The following TAS2R1 variants were observed in gnomAD, a reference collection of about 807,000 sequenced individuals.
TAS2R1 encodes the protein taste receptor type 2 member 1.
For synonymous variants in TAS2R1, 141 were observed against 134.2 expected (o/e 1.05, Z -0.35); for missense variants, 370 against 353.4 (o/e 1.05, Z -0.38).
Position 9,628,813 on chromosome 5 carries a change from C to T in TAS2R1, c.*320G>A, listed in dbSNP as rs1189504281. Among the ~76,000 whole-genome samples the T allele has an allele frequency of 6.6e-6, 1 of 152,134 alleles. No individual in the cohort carries two copies. Among genetic ancestry groups the T allele is most frequent in the African/African-American group, 2.4e-5 (1 of 41,420 alleles). On this transcript the variant is annotated 3_prime_UTR_variant, in exon 1 of 1. Transcript: ENST00000382492. Reference sequence around the variant, plus strand: ...TTTGAAATAATTGTAGATTTGAATGCATTTGTAAGAAGGAATACAGAAAGA... The same window carrying T: ...TTTGAAATAATTGTAGATTTGAATGTATTTGTAAGAAGGAATACAGAAAGA...
the TAS2R1 span, among the ~76,000 whole-genome samples, chr5:9,779,445 G>A: frequency 6.6e-6 from 1 of 152,156 alleles, no homozygotes; most frequent in Non-Finnish European, 1.5e-5. Flanking sequence ...ACCATTTCTA[G>A]CTTTTGCTTT....
chr5:9,715,609 C>T (rs1209508505), upstream of TAS2R1, among the ~76,000 whole-genome samples: 1 of 152,212 alleles, frequency 6.6e-6, no homozygotes, highest in African/African-American at 2.4e-5. Context: ...GCCTCATGTA[C>T]AGGAGACTTG....
chr5:9,746,091 G>A, the TAS2R1 span, among the ~76,000 whole-genome samples: 150 of 152,014 alleles, frequency 9.9e-4, no homozygotes, highest in African/African-American at 3.5e-3. Flanking sequence ...CAACCCCATC[G>A]AAAAGTAGGC....
intron 2 of TAS2R1, among the ~76,000 whole-genome samples, chr5:9,653,995 G>A (rs781624716): frequency 1.1e-4 from 16 of 152,182 alleles, no homozygotes; most frequent in Non-Finnish European, 1.8e-4. Context: ...TATGAAGTCA[G>A]GCCGAGGGCT....
chr5:9,839,211 T>C, the TAS2R1 span, among the ~76,000 whole-genome samples: 1 of 152,072 alleles, frequency 6.6e-6, no homozygotes, highest in Non-Finnish European at 1.5e-5. Flanking sequence ...TGGGCAGGGA[T>C]GAATGCAGGA....
chr5:9,644,026 A>C (rs1740139125), intron 2 of TAS2R1, among the ~76,000 whole-genome samples: 1 of 152,158 alleles, frequency 6.6e-6, no homozygotes, highest in Admixed American at 6.6e-5. Context: ...AATGCCCAGC[A>C]ACCCTGCAAT....
the TAS2R1 span, among the ~76,000 whole-genome samples, chr5:9,872,989 G>C: frequency 6.6e-6 from 1 of 152,156 alleles, no homozygotes; most frequent in African/African-American, 2.4e-5. Context: ...ATTAGAAATG[G>C]TTCTGAGAAC....
At chr5:9,881,956 T>G in the TAS2R1 span, among the ~76,000 whole-genome samples, 221 of 152,284 alleles carry the variant, frequency 1.5e-3, 1 homozygote, top group Admixed American at 6.3e-3. Context: ...AGGCAAAGAT[T>G]TTGTGACAAA....
At chr5:9,708,348 T>C (rs1241291947) in intron 1 of TAS2R1, among the ~76,000 whole-genome samples, 1 of 152,172 alleles carries the variant, frequency 6.6e-6, no homozygotes, top group Non-Finnish European at 1.5e-5. Context: ...TTCACTTAAT[T>C]TTCATCTCTC....
the TAS2R1 span, among the ~76,000 whole-genome samples, chr5:9,811,986 TC>T: frequency 6.6e-6 from 1 of 151,746 alleles, no homozygotes; most frequent in Non-Finnish European, 1.5e-5. Flanking sequence ...CCAAACTTCC[TC>T]CCCCCGCATT....
the TAS2R1 span, among the ~76,000 whole-genome samples, chr5:9,828,831 T>C: frequency 6.6e-6 from 1 of 152,246 alleles, no homozygotes; most frequent in Admixed American, 6.5e-5. Flanking sequence ...CTAAAGCTGT[T>C]TTACATCAGA....
the TAS2R1 span, among the ~76,000 whole-genome samples, chr5:9,816,707 A>T: frequency 6.6e-6 from 1 of 152,148 alleles, no homozygotes; most frequent in Non-Finnish European, 1.5e-5. Context: ...CCTATTTTGA[A>T]AGGTCTTTAA....
chr5:9,678,122 G>T (rs941501738), intron 1 of TAS2R1, among the ~76,000 whole-genome samples: 8 of 151,714 alleles, frequency 5.3e-5, no homozygotes, highest in Admixed American at 3.3e-4. Flanking sequence ...ATGGGCAAAG[G>T]ACATGAACAG....
the TAS2R1 span, among the ~76,000 whole-genome samples, chr5:9,812,852 T>C: frequency 6.6e-6 from 1 of 152,290 alleles, no homozygotes; most frequent in Middle Eastern, 3.4e-3. Context: ...TCTTCAGTTT[T>C]AGTTGGTCAT....
At chr5:9,665,475 T>C (rs571248647) in intron 1 of TAS2R1, among the ~76,000 whole-genome samples, 20 of 152,248 alleles carry the variant, frequency 1.3e-4, no homozygotes, top group African/African-American at 2.4e-4. Flanking sequence ...CTGCTTACCA[T>C]AGTCACTCAC....
chr5:9,672,456 A>G (rs376095170), intron 1 of TAS2R1, among the ~76,000 whole-genome samples: 3 of 152,310 alleles, frequency 2.0e-5, no homozygotes, highest in East Asian at 1.9e-4. Context: ...AAACGACCCC[A>G]TCAAAAAGTG....
upstream of TAS2R1, among the ~76,000 whole-genome samples, chr5:9,633,117 T>C (rs1450111841): frequency 4.0e-5 from 6 of 151,590 alleles, no homozygotes; most frequent in Admixed American, 1.3e-4. Context: ...GAAAACAGCA[T>C]AGATTTCCTT....
chr5:9,670,979 G>A (rs538713237), intron 1 of TAS2R1, among the ~76,000 whole-genome samples: 1 of 152,088 alleles, frequency 6.6e-6, no homozygotes, highest in Admixed American at 6.6e-5. Flanking sequence ...GTGCAAGGTT[G>A]GTTCAACTTA....
the TAS2R1 span, among the ~76,000 whole-genome samples, chr5:9,772,375 T>C: frequency 1.3e-5 from 2 of 152,136 alleles, no homozygotes; most frequent in Non-Finnish European, 2.9e-5. Flanking sequence ...AGATGCTTGA[T>C]ATCATTTCAA....
Sources: gnomAD v4.1 joint callset for allele counts (sites outside exome capture counted in the v4.1 genomes callset) on GRCh38, gnomAD v4.1.1 for gene constraint, MANE v1.5 for transcripts, NCBI Gene and HGNC (gene_info 2026-07-23, HGNC 2026-07-21) for gene names.